LRP1B: variants seen among roughly 807,000 people sequenced by gnomAD.
LRP1B encodes the protein low-density lipoprotein receptor-related protein 1B.
In LRP1B, 217 loss-of-function variants were observed where a neutral mutation model predicts 556.6. The observed-to-expected ratio is 0.39, with a 90% CI of 0.35 to 0.44. The LOEUF is 0.44. Among genes scored for constraint, LRP1B ranks in the 20% least tolerant of loss-of-function variants. The pLI is 1.00. For missense variants in LRP1B, 5,053 were observed against 5,620.8 expected (o/e 0.90, Z 3.23); for synonymous variants, 2,047 against 1,865.8 (o/e 1.10, Z -2.50).
intron 2 of LRP1B, among the ~76,000 whole-genome samples, chr2:141,783,387 T>G (rs1695327082): frequency 1.3e-5 from 2 of 152,006 alleles, no homozygotes; most frequent in Admixed American, 1.3e-4. Context: ...TAATCAAAGA[T>G]CTTACTTATC....
intron 1 of LRP1B, among the ~76,000 whole-genome samples, chr2:142,070,055 A>G (rs1282141635): frequency 1.3e-5 from 2 of 151,826 alleles, no homozygotes; most frequent in Non-Finnish European, 2.9e-5. Flanking sequence ...TACGAGGCTC[A>G]TATCACAATG....
chr2:141,994,513 AT>A (rs1277116429), intron 1 of LRP1B, among the ~76,000 whole-genome samples: 1 of 152,082 alleles, frequency 6.6e-6, no homozygotes, highest in African/African-American at 2.4e-5. Flanking sequence ...ATATATGTGT[AT>A]TTATACTGTG....
chr2:142,082,959 A>C (rs952603336), intron 1 of LRP1B, among the ~76,000 whole-genome samples: 34 of 152,170 alleles, frequency 2.2e-4, no homozygotes, highest in African/African-American at 7.7e-4. Flanking sequence ...CAAGATAAGA[A>C]GAGTGTTTTA....
At chr2:140,998,016 C>A (rs1697304124) in intron 15 of LRP1B, among the ~76,000 whole-genome samples, 1 of 151,934 alleles carries the variant, frequency 6.6e-6, no homozygotes, top group South Asian at 2.1e-4. Flanking sequence ...CTTTTTACTG[C>A]CTTAAACTTT....
At chr2:141,806,657 G>A (rs1558888226) in intron 2 of LRP1B, among the ~76,000 whole-genome samples, 1 of 151,858 alleles carries the variant, frequency 6.6e-6, no homozygotes, top group Non-Finnish European at 1.5e-5. Context: ...TAGATCCTGG[G>A]CACAAACACA....
At chr2:140,721,815 T>G (rs1418797411) in intron 35 of LRP1B, among the ~76,000 whole-genome samples, 2 of 151,394 alleles carry the variant, frequency 1.3e-5, no homozygotes, top group East Asian at 3.9e-4. Flanking sequence ...CCTCGGCTTT[T>G]GACATACCGC....
intron 2 of LRP1B, among the ~76,000 whole-genome samples, chr2:141,809,950 A>C (rs1198080323): frequency 6.6e-6 from 1 of 151,962 alleles, no homozygotes; most frequent in East Asian, 1.9e-4. Flanking sequence ...TGTTAACACA[A>C]TCACATTGAA....
intron 2 of LRP1B, among the ~76,000 whole-genome samples, chr2:141,691,449 G>C (rs1691525599): frequency 1.7e-5 from 1 of 60,340 alleles, no homozygotes; most frequent in Admixed American, 1.8e-4. Flanking sequence ...AAAAAAAGTT[G>C]GCCAGGTAAT....
At chr2:141,467,840 G>GGT (rs1682298746) in intron 3 of LRP1B, among the ~76,000 whole-genome samples, 1 of 9,348 alleles carries the variant, frequency 1.1e-4, no homozygotes, top group African/African-American at 1.5e-4. Context: ...TTTGCGGACC[G>GGT]GGGGGGGGGG....
chr2:141,799,469 C>T (rs1164369249), intron 2 of LRP1B, among the ~76,000 whole-genome samples: 2 of 152,038 alleles, frequency 1.3e-5, no homozygotes, highest in African/African-American at 2.4e-5. Context: ...AATTGTTGAG[C>T]GTGGCTGCAG....
At chr2:140,733,960 G>A (rs1687863466) in intron 35 of LRP1B, among the ~76,000 whole-genome samples, 1 of 152,182 alleles carries the variant, frequency 6.6e-6, no homozygotes, top group Admixed American at 6.5e-5. Context: ...AAATATAGAT[G>A]TGCCTTTTGG....
chr2:141,436,525 C>A (rs1036294211), intron 3 of LRP1B, among the ~76,000 whole-genome samples: 3 of 151,810 alleles, frequency 2.0e-5, no homozygotes, highest in Non-Finnish European at 4.4e-5. Context: ...TTTCTAGAGA[C>A]CTTTCCGTGA....
At chr2:140,256,348 T>TATGTTTTA (rs1681676684) in intron 86 of LRP1B, among the ~76,000 whole-genome samples, 1 of 151,816 alleles carries the variant, frequency 6.6e-6, no homozygotes, top group Non-Finnish European at 1.5e-5. Context: ...TCTAGCCTCT[T>TATGTTTTA]ACGTTTTAAC....
chr2:140,504,530 A>T (rs559478283), intron 53 of LRP1B, among the ~76,000 whole-genome samples: 2 of 152,224 alleles, frequency 1.3e-5, no homozygotes, highest in East Asian at 3.9e-4. Context: ...TGTTCTTCTG[A>T]TCTAGAATTA....
intron 25 of LRP1B, among the ~76,000 whole-genome samples, chr2:140,881,406 T>G (rs1014318138): frequency 6.6e-6 from 1 of 152,094 alleles, no homozygotes; most frequent in African/African-American, 2.4e-5. Flanking sequence ...TCACATTACA[T>G]TATTAAATCT....
intron 14 of LRP1B, among the ~76,000 whole-genome samples, chr2:141,012,425 C>CTCTTGCTCAGTATAGGCTCTTGCTCAGTA (rs1697781088): frequency 6.6e-6 from 1 of 151,984 alleles, no homozygotes; most frequent in Non-Finnish European, 1.5e-5. Context: ...TATAGGCAAA[C>CTCTTGCTCAGTATAGGCTCTTGCTCAGTA]TATGGTAGTG....
At chr2:140,561,992 T>C (rs1167032717) in intron 43 of LRP1B, among the ~76,000 whole-genome samples, 1 of 152,052 alleles carries the variant, frequency 6.6e-6, no homozygotes, top group Non-Finnish European at 1.5e-5. Context: ...ATGAGATCCT[T>C]GCAACAGATA....
In LRP1B at chr2:140,691,990, T is replaced by G. The variant is rs558910708; in HGVS notation, c.6799+8260A>C. On this transcript the variant is annotated intron_variant, in intron 41 of 90. Coordinates refer to ENST00000389484, the MANE Select transcript of LRP1B (RefSeq NM_018557.3). ...TCTCAATACCATTTCTTTTTTTCTT[T>G]TATCTCTCCAGAGAAAGCAAGATGT... 5.9e-5 allele frequency among the ~76,000 whole-genome samples: 9 copies of G among 152,224 alleles called. No homozygotes were observed. In the South Asian group the frequency reaches 1.7e-3, roughly 28 times the overall value.
intron 40 of LRP1B, 97 bp downstream of exon 40, chr2:140,701,624 G>T: frequency 8.3e-7 from 1 of 1,206,260 alleles, no homozygotes; most frequent in Non-Finnish European, 1.2e-6. Flanking sequence ...TGAGGTTTTA[G>T]ACTTATAGAA....
Sources: gnomAD v4.1 joint callset for allele counts (sites outside exome capture counted in the v4.1 genomes callset) on GRCh38, gnomAD v4.1.1 for gene constraint, MANE v1.5 for transcripts, NCBI Gene and HGNC (gene_info 2026-07-23, HGNC 2026-07-21) for gene names.